The following OXSR1 variants were observed in gnomAD, a reference collection of about 807,000 sequenced individuals.
OXSR1 encodes the protein serine/threonine-protein kinase OSR1.
Under a neutral mutation model 79.8 loss-of-function variants are expected in OXSR1, and 24 were observed. The ratio of observed to expected loss-of-function variants is 0.30; its 90% confidence interval spans 0.22 to 0.42. The LOEUF (loss-of-function observed/expected upper bound fraction) is 0.42, where lower values mean the gene tolerates loss of function less well. Among genes scored for constraint, OXSR1 ranks in the 10% least tolerant of loss-of-function variants. OXSR1 has a pLI of 1.00. For synonymous variants in OXSR1, 226 were observed against 209.2 expected (o/e 1.08, Z -0.69); for missense variants, 430 against 618.4 (o/e 0.70, Z 3.23).
chr3:38,238,225 C>G (rs1200248846), intron 11 of OXSR1, among the ~76,000 whole-genome samples: 1 of 151,978 alleles, frequency 6.6e-6, no homozygotes, highest in Non-Finnish European at 1.5e-5. Context: ...ATTTTTGAGA[C>G]CATGAATTCT....
chr3:38,207,707 C>T (rs983287157), intron 4 of OXSR1, among the ~76,000 whole-genome samples: 1 of 152,134 alleles, frequency 6.6e-6, no homozygotes, highest in African/African-American at 2.4e-5. Context: ...GTTAAGGGAA[C>T]AACTAGGAAG....
intron 4 of OXSR1, among the ~76,000 whole-genome samples, chr3:38,200,998 TAGTG>T (rs1383661449): frequency 2.0e-5 from 3 of 152,182 alleles, no homozygotes; most frequent in Non-Finnish European, 4.4e-5. Flanking sequence ...CTTGGATTAT[TAGTG>T]AGGTTGGACA....
At chr3:38,213,720 A>G (rs1488398374) in intron 4 of OXSR1, among the ~76,000 whole-genome samples, 1 of 152,240 alleles carries the variant, frequency 6.6e-6, no homozygotes, top group Non-Finnish European at 1.5e-5. Context: ...GTCCTAAAAC[A>G]TAAACTATTA....
chr3:38,179,028 CTTT>C (rs35570159), intron 1 of OXSR1, among the ~76,000 whole-genome samples: 4 of 103,544 alleles, frequency 3.9e-5, no homozygotes, highest in African/African-American at 7.1e-5. Flanking sequence ...CCACACCTGG[CTTT>C]TTTTTTTTTT....
chr3:38,215,449 A>C (rs1473659789), intron 4 of OXSR1, among the ~76,000 whole-genome samples: 1 of 152,146 alleles, frequency 6.6e-6, no homozygotes, highest in Non-Finnish European at 1.5e-5. Context: ...CTAAAAAAAA[A>C]CTAAGTTGTA....
At chr3:38,198,405 A>G (rs1457423542) in intron 3 of OXSR1, among the ~76,000 whole-genome samples, 1 of 152,272 alleles carries the variant, frequency 6.6e-6, no homozygotes, top group African/African-American at 2.4e-5. Flanking sequence ...GTGGTATCTT[A>G]TAATAGTACT....
At chr3:38,252,019 C>G (rs1001771974) in intron 16 of OXSR1, among the ~76,000 whole-genome samples, 1 of 152,340 alleles carries the variant, frequency 6.6e-6, no homozygotes, top group South Asian at 2.1e-4. Context: ...AGACCACAGG[C>G]TGGTTTGTTG....
chr3:38,220,072 G>A (rs1702559062), intron 5 of OXSR1, among the ~76,000 whole-genome samples: 1 of 151,710 alleles, frequency 6.6e-6, no homozygotes, highest in Non-Finnish European at 1.5e-5. Flanking sequence ...TTCCCAAAGT[G>A]TTGGGATTAC....
intron 12 of OXSR1, among the ~76,000 whole-genome samples, chr3:38,244,968 C>T (rs1166081035): frequency 6.6e-6 from 1 of 152,088 alleles, no homozygotes; most frequent in African/African-American, 2.4e-5. Flanking sequence ...TATATCCTTT[C>T]CATCTTTACT....
At chr3:38,187,583 G>C in intron 2 of OXSR1, among the ~76,000 whole-genome samples, 1 of 152,014 alleles carries the variant, frequency 6.6e-6, no homozygotes, top group Non-Finnish European at 1.5e-5. Context: ...TGGTGAGTGA[G>C]TTTCACGAAG....
intron 3 of OXSR1, chr3:38,193,412 G>C (rs1380910794): frequency 7.8e-7 from 1 of 1,285,438 alleles, no homozygotes; most frequent in South Asian, 1.2e-5. Context: ...AGATATGGGA[G>C]TATTAGGTAA....
At chr3:38,230,741 G>T in intron 10 of OXSR1, 1 of 248,804 alleles carries the variant, frequency 4.0e-6, no homozygotes, top group Non-Finnish European at 7.8e-6. Context: ...TATAGCTTTG[G>T]GTATAAGTCA....
intron 4 of OXSR1, among the ~76,000 whole-genome samples, chr3:38,210,106 G>A (rs1056005484): frequency 1.3e-5 from 2 of 151,154 alleles, no homozygotes; most frequent in African/African-American, 2.4e-5. Flanking sequence ...CTGCTTGATT[G>A]CATGGTTTCT....
intron 12 of OXSR1, among the ~76,000 whole-genome samples, chr3:38,243,412 G>A (rs1431603930): frequency 1.3e-5 from 2 of 152,128 alleles, no homozygotes; most frequent in Admixed American, 1.3e-4. Context: ...TTCAGCCTCA[G>A]CCTCTTCTCT....
In OXSR1 at chr3:38,243,239, TG is replaced by T. The variant is rs377386206; in HGVS notation, c.1110+463del. 3.5e-4 allele frequency among the ~76,000 whole-genome samples: 53 copies of T among 152,118 alleles called. No homozygotes were observed. In the South Asian group the frequency reaches 0.011, roughly 31 times the overall value. ...GAGATAGGGTCTCACCATGTTGCCC[TG>T]GCTGGTCTCAAGCTCCTGGGCTCAG... On this transcript the variant is annotated intron_variant, in intron 12 of 17. Transcript: ENST00000311806.
chr3:38,221,818 A>G (rs1330559950), intron 6 of OXSR1, 131 bp downstream of exon 6: 1 of 534,972 alleles, frequency 1.9e-6, no homozygotes, highest in African/African-American at 1.9e-5. Flanking sequence ...CTTGGTTAGG[A>G]TTTTAGTCCA....
chr3:38,190,698 A>G (rs1399817468), intron 2 of OXSR1, 33 bp from the exon 3 acceptor site: 20 of 1,206,100 alleles, frequency 1.7e-5, no homozygotes, highest in South Asian at 7.4e-5. Context: ...AGGCTTGCAT[A>G]TAATGAATTA....
Position 38,165,850 on chromosome 3 carries a change from G to A in OXSR1, c.-27G>A, listed in dbSNP as rs774149910. On this transcript the variant is annotated 5_prime_UTR_variant, in exon 1 of 18. Transcript: ENST00000311806. ...GACGAGCGAGGTCAGCGAGTTTGAG[G>A]GAGGACCGCGAGCCGCTGCCGCCGT... 1 of 1,599,406 alleles carries A rather than the reference G, an allele frequency of 6.3e-7. No homozygotes were observed. Among genetic ancestry groups the A allele is most frequent in the Admixed American group, 1.7e-5 (1 of 58,508 alleles).
intron 4 of OXSR1, among the ~76,000 whole-genome samples, chr3:38,213,107 T>C (rs1339139631): frequency 1.3e-5 from 2 of 152,220 alleles, no homozygotes; most frequent in Non-Finnish European, 2.9e-5. Context: ...TCTTCACTTA[T>C]GAAAGACTAA....
Sources: gnomAD v4.1 joint callset for allele counts (sites outside exome capture counted in the v4.1 genomes callset) on GRCh38, gnomAD v4.1.1 for gene constraint, MANE v1.5 for transcripts, NCBI Gene and HGNC (gene_info 2026-07-23, HGNC 2026-07-21) for gene names.